The following AATF variants were observed in gnomAD, a reference collection of about 807,000 sequenced individuals.
AATF encodes the protein apoptosis antagonizing transcription factor, also known as protein AATF.
In AATF, 48 loss-of-function variants were observed where a neutral mutation model predicts 63.7. The observed-to-expected ratio is 0.75, with a 90% CI of 0.60 to 0.96. The LOEUF (loss-of-function observed/expected upper bound fraction) is 0.96. AATF is among the 40% of genes least tolerant of loss of function. The pLI is 0.00. For synonymous variants in AATF, 258 were observed against 247.7 expected (o/e 1.04, Z -0.39); for missense variants, 639 against 685.7 (o/e 0.93, Z 0.76).
intron 4 of AATF, among the ~76,000 whole-genome samples, chr17:36,966,801 A>G (rs2070995189): frequency 6.6e-6 from 1 of 151,666 alleles, no homozygotes; most frequent in Admixed American, 6.6e-5. Context: ...GGGGTTGCCC[A>G]CCATGTTGCC....
chr17:36,989,935 A>T (rs1341534276), intron 7 of AATF, among the ~76,000 whole-genome samples: 2 of 152,074 alleles, frequency 1.3e-5, no homozygotes, highest in South Asian at 2.1e-4. Flanking sequence ...CTGAGGTGAA[A>T]TTTTTTTATT....
At chr17:37,007,526 C>T (rs2071351774) in intron 8 of AATF, among the ~76,000 whole-genome samples, 1 of 151,932 alleles carries the variant, frequency 6.6e-6, no homozygotes, top group Admixed American at 6.6e-5. Context: ...ATTGAATAAT[C>T]ACTGTATGCA....
At chr17:37,017,785 G>T (rs527903637) in intron 8 of AATF, among the ~76,000 whole-genome samples, 125 of 152,236 alleles carry the variant, frequency 8.2e-4, no homozygotes, top group African/African-American at 2.6e-3. Context: ...TTTTGGAAGT[G>T]AATATTTTTT....
intron 8 of AATF, among the ~76,000 whole-genome samples, chr17:37,011,064 A>C (rs560950724): frequency 6.6e-6 from 1 of 152,192 alleles, no homozygotes; most frequent in Non-Finnish European, 1.5e-5. Context: ...TTGTTTCTCC[A>C]GTGTGCTCAA....
At chr17:36,960,890 A>G (rs1365960830) in intron 4 of AATF, among the ~76,000 whole-genome samples, 1 of 152,176 alleles carries the variant, frequency 6.6e-6, no homozygotes, top group Non-Finnish European at 1.5e-5. Flanking sequence ...TCAGTGTTCT[A>G]ATTATAAAAG....
rs1268902012 is a variant in AATF at position 37,016,550 on chromosome 17, A to C, written c.1399-2455A>C. ...TCTCTCTCCATTTTCCAAATCACAT[A>C]GAAAATTACTACAAATACTATATCA... is the stretch of plus-strand genomic sequence containing the variant. On this transcript the variant is annotated intron_variant, in intron 8 of 11. Coordinates refer to ENST00000619387, the MANE Select transcript of AATF (RefSeq NM_012138.4). 3.3e-5 allele frequency among the ~76,000 whole-genome samples: 5 copies of C among 152,366 alleles called. No individual in the cohort carries two copies. In the East Asian group the frequency reaches 9.6e-4, roughly 29 times the overall value.
At chr17:37,050,759 C>T (rs1031653322) in intron 11 of AATF, among the ~76,000 whole-genome samples, 1 of 152,114 alleles carries the variant, frequency 6.6e-6, no homozygotes, top group Non-Finnish European at 1.5e-5. Context: ...TGAGTTAAGG[C>T]AGAAGCAAAT....
At chr17:36,990,887 T>A (rs1597715847) in intron 8 of AATF, 30 bp downstream of exon 8, 4 of 1,475,438 alleles carry the variant, frequency 2.7e-6, no homozygotes, top group Middle Eastern at 3.5e-4. Context: ...TTGTTACAAA[T>A]CATGTTTTAG....
intron 8 of AATF, among the ~76,000 whole-genome samples, chr17:36,996,623 C>T (rs536010237): frequency 2.0e-5 from 3 of 152,224 alleles, no homozygotes. Flanking sequence ...ATGGTAGTTT[C>T]TGCTTCTTTA....
At position 37,020,961 on chromosome 17, in the gene AATF, A is replaced by T. The variant is rs758241051; in HGVS notation, c.1494A>T (p.Arg498=). 54 of 1,611,990 alleles carry T rather than the reference A, an allele frequency of 3.3e-5. No homozygotes were observed. The highest frequency in any genetic ancestry group is 9.3e-6 in the Non-Finnish European group (11 of 1,179,080). ...GRQWLAIQKL[R]SKIHKKVDRK... is the part of the protein sequence containing the mutation. The stretch of plus-strand genomic sequence containing the variant: ...AGTGGCTTGCAATCCAGAAGTTACG[A>T]AGCAAAATCCACAAAAAAGTAGATA... The change falls in exon 10 of 12, where the codon CGA becomes CGT. Residue 498 remains arginine (R), a synonymous_variant. Transcript: ENST00000619387.
intron 4 of AATF, among the ~76,000 whole-genome samples, chr17:36,976,074 C>T (rs2071077808): frequency 6.6e-6 from 1 of 152,114 alleles, no homozygotes; most frequent in African/African-American, 2.4e-5. Flanking sequence ...CAAGTTTGGA[C>T]ATGACATTTT....
At chr17:37,012,730 G>C (rs1268381169) in intron 8 of AATF, among the ~76,000 whole-genome samples, 1 of 152,122 alleles carries the variant, frequency 6.6e-6, no homozygotes, top group African/African-American at 2.4e-5. Context: ...TTTCAACAAG[G>C]GTGCCAAGAC....
intron 10 of AATF, among the ~76,000 whole-genome samples, chr17:37,022,938 C>T (rs897949163): frequency 6.6e-6 from 1 of 152,114 alleles, no homozygotes; most frequent in African/African-American, 2.4e-5. Flanking sequence ...CCCCCAGCCC[C>T]CTTCAAGGAT....
intron 11 of AATF, among the ~76,000 whole-genome samples, chr17:37,041,866 A>G (rs927154506): frequency 6.6e-6 from 1 of 152,218 alleles, no homozygotes; most frequent in Admixed American, 6.5e-5. Context: ...ACTGTTTTTA[A>G]GTTCATAACA....
chr17:37,029,271 T>TCTTG (rs1218184372), intron 10 of AATF, among the ~76,000 whole-genome samples: 1 of 151,400 alleles, frequency 6.6e-6, no homozygotes, highest in Non-Finnish European at 1.5e-5. Context: ...TGAGACAGAG[T>TCTTG]CTTGCTCTGT....
chr17:37,000,915 G>A (rs769500567), intron 8 of AATF, among the ~76,000 whole-genome samples: 12 of 151,260 alleles, frequency 7.9e-5, no homozygotes, highest in Non-Finnish European at 1.6e-4. Flanking sequence ...TCATACCACC[G>A]CACTCCAGCC....
intron 11 of AATF, among the ~76,000 whole-genome samples, chr17:37,038,612 A>G (rs1464613614): frequency 1.3e-5 from 2 of 152,206 alleles, no homozygotes. Context: ...ATTTTTCTAA[A>G]TAGATTTCCC....
At chr17:37,050,155 G>C (rs8065239) in intron 11 of AATF, among the ~76,000 whole-genome samples, 22,756 of 152,038 alleles carry the variant, frequency 0.15, 1,773 homozygotes, top group Non-Finnish European at 0.16. Context: ...ACTTCTCTCT[G>C]GCTTTAGAGG....
intron 8 of AATF, among the ~76,000 whole-genome samples, chr17:37,011,741 T>C (rs777792503): frequency 6.6e-6 from 1 of 152,056 alleles, no homozygotes. Flanking sequence ...CCAGTGTCAG[T>C]TGCTGCTTCA....
Sources: allele counts gnomAD v4.1 joint callset (sites outside exome capture counted in the v4.1 genomes callset), GRCh38; gene constraint gnomAD v4.1.1; transcripts MANE v1.5; gene names NCBI Gene and HGNC (gene_info 2026-07-23, HGNC 2026-07-21).